STAU1: variants seen among roughly 807,000 people sequenced by gnomAD.
The protein encoded by STAU1 is staufen double-stranded RNA binding protein 1.
STAU1 carries 13 observed loss-of-function variants against 62.9 expected under a neutral mutation model. The ratio of observed to expected loss-of-function variants is 0.21; its 90% CI spans 0.13 to 0.33. The LOEUF (loss-of-function observed/expected upper bound fraction) is 0.33, where lower values mean the gene tolerates loss of function less well. Among genes scored for constraint, STAU1 ranks in the 10% least tolerant of loss-of-function variants. The pLI, the probability that STAU1 is intolerant of heterozygous loss-of-function variation, is 1.00. For missense variants in STAU1, 571 were observed against 712.1 expected (o/e 0.80, Z 2.25); for synonymous variants, 269 against 265.1 (o/e 1.01, Z -0.14).
chr20:49,162,902 C>T (rs2093470840), intron 3 of STAU1, among the ~76,000 whole-genome samples: 2 of 151,764 alleles, frequency 1.3e-5, no homozygotes, highest in South Asian at 4.2e-4. Context: ...ATAGAAATAC[C>T]CACATACTAG....
At chr20:49,136,092 A>G (rs748656033) in intron 5 of STAU1, among the ~76,000 whole-genome samples, 161 bp from the exon 6 acceptor site, 3 of 152,078 alleles carry the variant, frequency 2.0e-5, no homozygotes, top group Non-Finnish European at 4.4e-5. Context: ...GTTTGAGACC[A>G]GCCTGAGCAA....
At chr20:49,127,460 C>T (rs1316648670) in intron 6 of STAU1, among the ~76,000 whole-genome samples, 2 of 152,150 alleles carry the variant, frequency 1.3e-5, no homozygotes, top group East Asian at 3.9e-4. Flanking sequence ...AATACCAACA[C>T]TGTGGTAGGC....
chr20:49,117,339 A>C lies in STAU1; in HGVS notation c.1510-91T>G. On this transcript the variant is annotated intron_variant, in intron 11 of 13. Transcript: ENST00000371856. This position sits in a 1 kb window ranked among gnomAD's most constrained non-coding sequence, Gnocchi z 4.6. ...AGCTCCAGGCCCCACAAGCAAGATC[A>C]CCAGCTCTTTTTTCCAACTCAGCCC... The C allele has an allele frequency of 1.6e-5, 24 of 1,501,716 alleles. No individual in the cohort carries two copies. Among genetic ancestry groups the C allele is most frequent in the East Asian group, 2.3e-5 (1 of 44,152 alleles). 93.0% of individuals were successfully genotyped at this position (1,501,716 alleles called of 1,614,324 possible). A position where few individuals can be genotyped will look rare whatever the true frequency, so the allele number is the denominator to read the frequency against.
intron 5 of STAU1, among the ~76,000 whole-genome samples, chr20:49,149,251 AACACACACACACACACACAC>A (rs34854738): frequency 1.5e-5 from 2 of 131,940 alleles, no homozygotes; most frequent in East Asian, 2.3e-4. Flanking sequence ...ACTGTCTCAA[AACACACACACACACACACAC>A]ACACACACAC....
At chr20:49,121,691 A>C (rs1035327850) in intron 8 of STAU1, among the ~76,000 whole-genome samples, 1 of 152,242 alleles carries the variant, frequency 6.6e-6, no homozygotes, top group Non-Finnish European at 1.5e-5. Context: ...TATAATTTAT[A>C]ACACACATCC....
At chr20:49,145,450 A>T (rs2146162811) in intron 5 of STAU1, among the ~76,000 whole-genome samples, 1 of 81,986 alleles carries the variant, frequency 1.2e-5, no homozygotes, top group African/African-American at 4.9e-5. Context: ...AAAAAAAAAA[A>T]GACCAAGCGT....
chr20:49,155,130 A>G (rs528746997), intron 3 of STAU1, among the ~76,000 whole-genome samples: 39 of 152,308 alleles, frequency 2.6e-4, no homozygotes, highest in African/African-American at 8.9e-4. Flanking sequence ...AGGAGTTCAA[A>G]AAACACAAAG....
intron 7 of STAU1, among the ~76,000 whole-genome samples, chr20:49,123,646 C>T (rs1349286025): frequency 1.3e-5 from 2 of 152,296 alleles, no homozygotes; most frequent in East Asian, 3.9e-4. Context: ...AAAGCTCAAG[C>T]TGATGCCACA....
upstream of STAU1, among the ~76,000 whole-genome samples, chr20:49,189,619 C>CAAA (rs71186430): frequency 6.3e-3 from 346 of 55,108 alleles, 8 homozygotes; most frequent in African/African-American, 0.017. Context: ...GACTCTGTCT[C>CAAA]AAAAAAAAAA....
At chr20:49,126,577 A>AAAAAAAAAAAAC (rs1555837188) in intron 6 of STAU1, among the ~76,000 whole-genome samples, 5,669 of 34,740 alleles carry the variant, frequency 0.16, 552 homozygotes, top group Non-Finnish European at 0.21. Context: ...CAAAAAGCAA[A>AAAAAAAAAAAAC]AAAAAAAAAA....
At chr20:49,195,558 AAAAGAT>A in the STAU1 span, among the ~76,000 whole-genome samples, 2,457 of 137,906 alleles carry the variant, frequency 0.018, 336 homozygotes, top group African/African-American at 0.067. Flanking sequence ...AAAAAAAAAA[AAAAGAT>A]AGCAACAGAC....
At chr20:49,202,755 G>A in the STAU1 span, among the ~76,000 whole-genome samples, 2 of 151,382 alleles carry the variant, frequency 1.3e-5, no homozygotes, top group East Asian at 1.9e-4. Context: ...GAAGGAGAAG[G>A]AGGCCAGGCT....
the STAU1 span, among the ~76,000 whole-genome samples, chr20:49,217,676 A>AAAAT: frequency 1.5e-5 from 2 of 135,910 alleles, no homozygotes; most frequent in African/African-American, 5.2e-5. Flanking sequence ...TTCCTTTTAA[A>AAAAT]ATATATATAT....
intron 6 of STAU1, among the ~76,000 whole-genome samples, chr20:49,132,627 T>C (rs2092775343): frequency 6.6e-6 from 1 of 151,978 alleles, no homozygotes; most frequent in Non-Finnish European, 1.5e-5. Context: ...GGCATGGTGG[T>C]GTGCACCTGT....
chr20:49,161,099 G>C (rs1440523317), intron 3 of STAU1, among the ~76,000 whole-genome samples: 1 of 151,790 alleles, frequency 6.6e-6, no homozygotes, highest in Non-Finnish European at 1.5e-5. Context: ...CAGGCAGATT[G>C]TTTGAGCCCA....
At chr20:49,123,259 C>T in intron 7 of STAU1, 24 bp from the exon 8 acceptor site, 2 of 1,614,128 alleles carry the variant, frequency 1.2e-6, no homozygotes, top group South Asian at 2.2e-5. Flanking sequence ...AAGGCAGAAA[C>T]TCTGTAATGT....
intron 1 of STAU1, among the ~76,000 whole-genome samples, chr20:49,177,367 C>T (rs1050834473): frequency 6.6e-6 from 1 of 151,874 alleles, no homozygotes; most frequent in Non-Finnish European, 1.5e-5. Context: ...AAGACCCTGT[C>T]TCTATTAAAA....
At position 49,120,009 on chromosome 20, in the gene STAU1, G is replaced by C; in HGVS notation, c.1086C>G (p.Thr362=). 1.2e-6 allele frequency: 2 copies of C among 1,614,172 alleles called. No individual in the cohort carries two copies. Residue 362 remains threonine (T), a synonymous_variant, in exon 9 of 14, where the codon ACC becomes ACG. Transcript: ENST00000371856. The part of the protein sequence containing the change: ...LGFKVPQAQP[T]KPALKSEEKT... Reference sequence around the variant, plus strand: ...TCTCCTCTGACTTGAGTGCGGGTTTGGTGGGCTGCGCCTGCGGGACTTTGA... The same window carrying C: ...TCTCCTCTGACTTGAGTGCGGGTTTCGTGGGCTGCGCCTGCGGGACTTTGA...
intron 2 of STAU1, among the ~76,000 whole-genome samples, chr20:49,169,095 C>G (rs568684088): frequency 6.6e-6 from 1 of 151,870 alleles, no homozygotes; most frequent in Non-Finnish European, 1.5e-5. Context: ...GGATTACAGG[C>G]GTGTACCACC....
Sources: allele counts gnomAD v4.1 joint callset (sites outside exome capture counted in the v4.1 genomes callset), GRCh38; gene constraint gnomAD v4.1.1; non-coding constraint Gnocchi (gnomAD v3.1); transcripts MANE v1.5; gene names NCBI Gene and HGNC (gene_info 2026-07-23, HGNC 2026-07-21).